Variants in SAMTOR observed in about 807,000 individuals in gnomAD.
The protein encoded by SAMTOR is UPF0532 protein C7orf60.
chr7:112,845,418 G>A, the SAMTOR span, among the ~76,000 whole-genome samples: 4 of 152,012 alleles, frequency 2.6e-5, no homozygotes, highest in Non-Finnish European at 4.4e-5. Flanking sequence ...ATTATAAAAA[G>A]TGGGCAAAGG....
chr7:112,916,061 A>C, the SAMTOR span, among the ~76,000 whole-genome samples: 1 of 152,228 alleles, frequency 6.6e-6, no homozygotes, highest in African/African-American at 2.4e-5. Context: ...ATGTAGTTTA[A>C]AAATTTATAA....
chr7:112,829,323 A>ATCTTCCTAT, the SAMTOR span, among the ~76,000 whole-genome samples: 1 of 152,198 alleles, frequency 6.6e-6, no homozygotes, highest in African/African-American at 2.4e-5. Flanking sequence ...ATTTTAAAAT[A>ATCTTCCTAT]TCTTCCTATT....
the SAMTOR span, among the ~76,000 whole-genome samples, chr7:112,924,793 T>G: frequency 6.5e-5 from 9 of 138,572 alleles, no homozygotes; most frequent in Admixed American, 7.0e-4. Context: ...TAAATTATGA[T>G]TTATTTTAAT....
At chr7:112,839,279 AAG>A in the SAMTOR span, among the ~76,000 whole-genome samples, 3 of 151,880 alleles carry the variant, frequency 2.0e-5, no homozygotes, top group Non-Finnish European at 2.9e-5. Flanking sequence ...TTAAATAAGA[AAG>A]GGGGAGAAAG....
the SAMTOR span, chr7:112,935,165 A>G: frequency 2.4e-6 from 1 of 416,690 alleles, no homozygotes; most frequent in Non-Finnish European, 4.6e-6. Context: ...AAGAACACAA[A>G]AAGAAAACAG....
At chr7:112,901,206 T>C in the SAMTOR span, among the ~76,000 whole-genome samples, 52 of 152,192 alleles carry the variant, frequency 3.4e-4, no homozygotes, top group African/African-American at 1.1e-3. Flanking sequence ...CAGCAGGAGG[T>C]AAGTGGCAGG....
chr7:112,858,607 T>C, the SAMTOR span, among the ~76,000 whole-genome samples: 1 of 152,186 alleles, frequency 6.6e-6, no homozygotes, highest in Non-Finnish European at 1.5e-5. Flanking sequence ...TTTGATTAGA[T>C]GTTAATCATA....
the SAMTOR span, among the ~76,000 whole-genome samples, chr7:112,899,171 A>C: frequency 2.0e-5 from 3 of 152,142 alleles, no homozygotes; most frequent in Non-Finnish European, 4.4e-5. Flanking sequence ...TTTTTGAGGA[A>C]TCTCAATGAA....
At chr7:112,860,672 G>T in the SAMTOR span, among the ~76,000 whole-genome samples, 1 of 152,026 alleles carries the variant, frequency 6.6e-6, no homozygotes, top group African/African-American at 2.4e-5. Context: ...GGAGGCCGAG[G>T]CGGGTGGATC....
chr7:112,922,478 TC>T, the SAMTOR span, among the ~76,000 whole-genome samples: 1 of 150,792 alleles, frequency 6.6e-6, no homozygotes, highest in African/African-American at 2.5e-5. Context: ...GAGGAGCGTC[TC>T]TGCCCGGCCG....
chr7:112,918,724 A>G, the SAMTOR span, among the ~76,000 whole-genome samples: 1 of 152,364 alleles, frequency 6.6e-6, no homozygotes, highest in South Asian at 2.1e-4. Flanking sequence ...AGAGACACAC[A>G]TAGGCTCAAA....
the SAMTOR span, among the ~76,000 whole-genome samples, chr7:112,893,549 TCCA>T: frequency 6.6e-6 from 1 of 152,228 alleles, no homozygotes; most frequent in East Asian, 1.9e-4. Context: ...TCATCTTGTA[TCCA>T]GACCACTCAA....
At chr7:112,830,871 C>T in the SAMTOR span, among the ~76,000 whole-genome samples, 14 of 148,902 alleles carry the variant, frequency 9.4e-5, no homozygotes, top group East Asian at 2.7e-3. Context: ...ATGCTTGATG[C>T]TTTAAATACT....
chr7:112,922,048 C>A, the SAMTOR span, among the ~76,000 whole-genome samples: 8 of 152,138 alleles, frequency 5.3e-5, no homozygotes, highest in Non-Finnish European at 1.2e-4. Flanking sequence ...CTCACTGCAA[C>A]CTCCCTGCCT....
chr7:112,939,733 G>T, the SAMTOR span: 1 of 1,602,664 alleles, frequency 6.2e-7, no homozygotes. Flanking sequence ...TATTTCGGCC[G>T]CCGGCCCCTG....
At chr7:112,915,492 T>A in the SAMTOR span, 2 of 1,450,686 alleles carry the variant, frequency 1.4e-6, no homozygotes, top group Non-Finnish European at 1.8e-6. Flanking sequence ...CTGAAACATG[T>A]CAGACTCTTG....
chr7:112,921,105 T>C, the SAMTOR span, among the ~76,000 whole-genome samples: 23 of 152,118 alleles, frequency 1.5e-4, no homozygotes, highest in African/African-American at 5.6e-4. Flanking sequence ...ACTTTAAAGT[T>C]CATATGGAAC....
the SAMTOR span, among the ~76,000 whole-genome samples, chr7:112,825,853 G>GTTT: frequency 5.0e-5 from 7 of 139,540 alleles, no homozygotes; most frequent in African/African-American, 1.6e-4. Context: ...TAAATTCTGA[G>GTTT]TTTTTTTTTT....
chr7:112,878,980 T>G, the SAMTOR span, among the ~76,000 whole-genome samples: 53 of 151,948 alleles, frequency 3.5e-4, no homozygotes. Flanking sequence ...ACTTGGTGAT[T>G]AACCAGATGT....
Sources: allele counts gnomAD v4.1 joint callset (sites outside exome capture counted in the v4.1 genomes callset), GRCh38; gene constraint gnomAD v4.1.1; transcripts MANE v1.5; gene names NCBI Gene and HGNC (gene_info 2026-07-23, HGNC 2026-07-21).